POLH: variants seen among roughly 807,000 people sequenced by gnomAD.
The protein encoded by POLH is DNA polymerase eta, also known as DNA polymerase eta transcript.
In POLH, 53 loss-of-function variants were observed where a neutral mutation model predicts 73.6. The ratio of observed to expected loss-of-function variants is 0.72; its 90% CI spans 0.58 to 0.91. POLH has a LOEUF of 0.91. POLH is among the 40% of genes least tolerant of loss of function. POLH has a pLI of 0.00. For missense variants in POLH, 768 were observed against 865.4 expected (o/e 0.89, Z 1.41); for synonymous variants, 292 against 308.5 (o/e 0.95, Z 0.56).
rs946238520 is a variant in POLH at position 43,614,703 on chromosome 6, C to A, written c.*146C>A. On this transcript the variant is annotated 3_prime_UTR_variant, in exon 11 of 11. Coordinates refer to ENST00000372236, the MANE Select transcript of POLH (RefSeq NM_006502.3). Reference sequence around the variant, plus strand: ...AATAATCCATTTAGGTGCTGAGTTACGGTCCCATCTCTTCACAGGCATGGA... The same window carrying A: ...AATAATCCATTTAGGTGCTGAGTTAAGGTCCCATCTCTTCACAGGCATGGA... 9.7e-5 allele frequency: 67 copies of A among 693,558 alleles called. No homozygotes were observed. The Admixed American group carries it at 1.8e-3, about 18-fold the overall frequency. The allele number at this position is 693,558 out of a possible 1,614,324, so 43.0% of individuals were successfully genotyped here. A position where few individuals can be genotyped will look rare whatever the true frequency, so the allele number is the denominator to read the frequency against.
chr6:43,577,956 C>T (rs987829332), intron 1 of POLH, among the ~76,000 whole-genome samples: 2 of 151,820 alleles, frequency 1.3e-5, no homozygotes, highest in Non-Finnish European at 2.9e-5. Flanking sequence ...GGGTGGCACG[C>T]GCCTGTAGTC....
At chr6:43,578,166 C>T (rs1040931731) in intron 1 of POLH, among the ~76,000 whole-genome samples, 9 of 151,686 alleles carry the variant, frequency 5.9e-5, no homozygotes, top group African/African-American at 2.2e-4. Context: ...GTGGGTGGAT[C>T]GCCTAAGGTC....
At position 43,596,254 on chromosome 6, in the gene POLH, C is replaced by T. The variant is rs1262737122; in HGVS notation, c.491-1442C>T. ...ATCCCAGCACTTTGGGAGGCCAAAG[C>T]GGGCAGATCACAAGGTCAGGAGATC... is the stretch of plus-strand genomic sequence containing the variant. On this transcript the variant is annotated intron_variant, in intron 4 of 10. Transcript: ENST00000372236. 5.3e-5 allele frequency among the ~76,000 whole-genome samples: 8 copies of T among 152,278 alleles called. 1 individual carries two copies. The South Asian group carries it at 1.0e-3, about 20-fold the overall frequency.
chr6:43,617,876 T>C lies in POLH; in HGVS notation c.*3319T>C, dbSNP rs1333631308. Reference sequence around the variant, plus strand: ...CGGAGCTTGCAGTGAGCCCAGATCGTGCCACTGCACTGCACCCTGGCGACA... The same window carrying C: ...CGGAGCTTGCAGTGAGCCCAGATCGCGCCACTGCACTGCACCCTGGCGACA... On this transcript the variant is annotated 3_prime_UTR_variant, in exon 11 of 11. Transcript: ENST00000372236. Among the ~76,000 whole-genome samples, 2 of 151,688 alleles carry C rather than the reference T, an allele frequency of 1.3e-5. No individual in the cohort carries two copies. The highest frequency in any genetic ancestry group is 4.9e-5 in the African/African-American group (2 of 41,224).
chr6:43,605,492 C>G, intron 9 of POLH, 173 bp downstream of exon 9: 1 of 545,522 alleles, frequency 1.8e-6, no homozygotes, highest in South Asian at 2.1e-5. Context: ...CTCTGTCTCC[C>G]AGGCTGAGTA....
chr6:43,605,264 GGCT>G lies in POLH; in HGVS notation c.1021_1023del (p.Leu342del), dbSNP rs1246370266. 1 of 1,578,314 alleles carries G rather than the reference GGCT, an allele frequency of 6.3e-7. No homozygotes were observed. Among genetic ancestry groups the G allele is most frequent in the Non-Finnish European group, 8.7e-7 (1 of 1,147,880 alleles). On this transcript the variant is annotated inframe_deletion, in exon 9 of 11. Coordinates refer to ENST00000372236, the MANE Select transcript of POLH (RefSeq NM_006502.3). ...TCAATACTTTTTTAGGTACAATGGTGGCTGTTGCAATTAGCCCAGGAACTAGAG... is the reference window on the plus strand; with the variant it reads ...TCAATACTTTTTTAGGTACAATGGTGGTTGCAATTAGCCCAGGAACTAGAG...
At position 43,617,978 on chromosome 6, in the gene POLH, TA is replaced by T. The variant is rs1471746249; in HGVS notation, c.*3423del. Among the ~76,000 whole-genome samples, 2 of 152,174 alleles carry T rather than the reference TA, an allele frequency of 1.3e-5. No individual in the cohort carries two copies. The highest frequency in any genetic ancestry group is 2.9e-5 in the Non-Finnish European group (2 of 68,026). The stretch of plus-strand genomic sequence containing the variant: ...TGAGAAATGCTGATCTAAAAGATAC[TA>T]ATGACCAGGTGTGTAGAGGACATTT... On this transcript the variant is annotated 3_prime_UTR_variant, in exon 11 of 11. Transcript: ENST00000372236.
intron 1 of POLH, among the ~76,000 whole-genome samples, chr6:43,579,903 T>C (rs1400774956): frequency 6.7e-6 from 1 of 149,406 alleles, no homozygotes; most frequent in Non-Finnish European, 1.5e-5. Flanking sequence ...AGAATCTTTT[T>C]TTTTTTTTTT....
chr6:43,605,026 G>A (rs897050423), intron 8 of POLH, among the ~76,000 whole-genome samples: 1 of 152,146 alleles, frequency 6.6e-6, no homozygotes, highest in Non-Finnish European at 1.5e-5. Flanking sequence ...GCTGGAACAT[G>A]CTTGAAAGTC....
rs1239346602 is a variant in POLH at position 43,591,582 on chromosome 6, G to A, written c.490+4093G>A. ...TATCCATCTGCCTTGGCCTCCCAAAGTGCTGGGATTACAGGCATGAGCCAC... is the reference window on the plus strand; with the variant it reads ...TATCCATCTGCCTTGGCCTCCCAAAATGCTGGGATTACAGGCATGAGCCAC... On this transcript the variant is annotated intron_variant, in intron 4 of 10. Transcript: ENST00000372236. Among the ~76,000 whole-genome samples the A allele has an allele frequency of 2.0e-5, 3 of 150,624 alleles. No homozygotes were observed. In the East Asian group the frequency reaches 5.8e-4, roughly 29 times the overall value.
chr6:43,580,981 G>C (rs1211555893), intron 1 of POLH, among the ~76,000 whole-genome samples: 1 of 146,472 alleles, frequency 6.8e-6, no homozygotes, highest in African/African-American at 2.6e-5. Context: ...CGGCTGGCCG[G>C]GCGGGGGGCT....
Position 43,619,755 on chromosome 6 carries a change from TAG to T in POLH, c.*5203_*5204del, listed in dbSNP as rs1272315639. On this transcript the variant is annotated 3_prime_UTR_variant, in exon 11 of 11. Transcript: ENST00000372236. Reference sequence around the variant, plus strand: ...AAGCTTTCATCTCTATCAGCAGCTATAGAGAGGAAGTAAACAGCTTAGCCCCT... The same window carrying T: ...AAGCTTTCATCTCTATCAGCAGCTATAGAGGAAGTAAACAGCTTAGCCCCT... Among the ~76,000 whole-genome samples, 1 of 152,228 alleles carries T rather than the reference TAG, an allele frequency of 6.6e-6. No homozygotes were observed. The highest frequency in any genetic ancestry group is 1.5e-5 in the Non-Finnish European group (1 of 68,040).
At chr6:43,581,615 G>C (rs1349919217) in intron 1 of POLH, among the ~76,000 whole-genome samples, 31 of 145,822 alleles carry the variant, frequency 2.1e-4, no homozygotes, top group African/African-American at 7.9e-4. Context: ...GGCGCTCGCC[G>C]GCGCGGCGGC....
At chr6:43,610,810 A>C (rs550018312) in intron 10 of POLH, 87 bp downstream of exon 10, 2 of 1,162,010 alleles carry the variant, frequency 1.7e-6, no homozygotes, top group Admixed American at 1.9e-5. Context: ...TTTATCATAA[A>C]GTTCCTCATT....
chr6:43,591,939 T>G (rs866282755), intron 4 of POLH, among the ~76,000 whole-genome samples: 1 of 152,222 alleles, frequency 6.6e-6, no homozygotes, highest in Non-Finnish European at 1.5e-5. Context: ...GGTAGTTGAA[T>G]GTTAACTCAG....
At chr6:43,591,924 TC>T (rs1233327397) in intron 4 of POLH, among the ~76,000 whole-genome samples, 1 of 152,226 alleles carries the variant, frequency 6.6e-6, no homozygotes, top group Non-Finnish European at 1.5e-5. Flanking sequence ...GTATATACCT[TC>T]CTTGGTAGTT....
At position 43,616,915 on chromosome 6, in the gene POLH, C is replaced by T. The variant is rs971576629; in HGVS notation, c.*2358C>T. Among the ~76,000 whole-genome samples, 7 of 152,320 alleles carry T rather than the reference C, an allele frequency of 4.6e-5. No homozygotes were observed. The East Asian group carries it at 5.8e-4, about 13-fold the overall frequency. On this transcript the variant is annotated 3_prime_UTR_variant, in exon 11 of 11. Transcript: ENST00000372236. The stretch of plus-strand genomic sequence containing the variant: ...TAAGTCATAATCAAATCTTGCCAGG[C>T]GTGGTGGTTTATGCCTGTTATCCCA...
chr6:43,614,608 T>A lies in POLH; in HGVS notation c.*51T>A. 1 of 1,411,698 alleles carries A rather than the reference T, an allele frequency of 7.1e-7. No individual in the cohort carries two copies. Among genetic ancestry groups the A allele is most frequent in the Non-Finnish European group, 9.8e-7 (1 of 1,016,574 alleles). 87.4% of individuals were successfully genotyped at this position (1,411,698 alleles called of 1,614,324 possible). A position where few individuals can be genotyped will look rare whatever the true frequency, so the allele number is the denominator to read the frequency against. On this transcript the variant is annotated 3_prime_UTR_variant, in exon 11 of 11. Coordinates refer to ENST00000372236, the MANE Select transcript of POLH (RefSeq NM_006502.3). The stretch of plus-strand genomic sequence containing the variant: ...ATTTAATATTTTTTATCTTTACAGA[T>A]CTTTATCTTTAATATTTTATCTTTA...
chr6:43,580,020 A>C (rs1349317083), intron 1 of POLH, among the ~76,000 whole-genome samples: 1 of 128,688 alleles, frequency 7.8e-6, no homozygotes, highest in Non-Finnish European at 1.7e-5. Flanking sequence ...ACAAGTGAAC[A>C]AAGGTCTCTG....
Sources: allele counts gnomAD v4.1 joint callset (sites outside exome capture counted in the v4.1 genomes callset), GRCh38; gene constraint gnomAD v4.1.1; transcripts MANE v1.5; gene names NCBI Gene and HGNC (gene_info 2026-07-23, HGNC 2026-07-21).